Variants in MTMR3 observed in about 807,000 individuals in gnomAD.
The protein encoded by MTMR3 is phosphatidylinositol-3,5-bisphosphate 3-phosphatase MTMR3.
Under a neutral mutation model 132.4 loss-of-function variants are expected in MTMR3, and 32 were observed. That is an observed-to-expected ratio of 0.24 (90% CI 0.18 to 0.32). The LOEUF (loss-of-function observed/expected upper bound fraction) is 0.32. Among genes scored for constraint, MTMR3 ranks in the 10% least tolerant of loss-of-function variants. The probability of loss-of-function intolerance (pLI) is 1.00; values close to 1 mark genes in which losing one functional copy is unlikely to be tolerated. For synonymous variants in MTMR3, 556 were observed against 550.3 expected (o/e 1.01, Z -0.14); for missense variants, 1,216 against 1,489.6 (o/e 0.82, Z 3.02).
chr22:29,898,313 A>G (rs914295593), intron 1 of MTMR3, among the ~76,000 whole-genome samples: 1 of 152,154 alleles, frequency 6.6e-6, no homozygotes, highest in Non-Finnish European at 1.5e-5. Flanking sequence ...CCCAATAATA[A>G]TAGTGTGCAG....
Position 30,022,711 on chromosome 22 carries a change from G to A in MTMR3, c.3425+14G>A, listed in dbSNP as rs758198426. 2.5e-6 allele frequency: 4 copies of A among 1,600,698 alleles called. No individual in the cohort carries two copies. Among genetic ancestry groups the A allele is most frequent in the Non-Finnish European group, 3.4e-6 (4 of 1,176,916 alleles). On this transcript the variant is annotated intron_variant, in intron 19 of 19. Transcript: ENST00000401950. ...GCACCACTGCAGGTACCATTGAGGG[G>A]CTGTGGTAGGGTGGGCTGTGTGTGG...
Position 29,930,207 on chromosome 22 carries a change from C to T in MTMR3, c.-137-26829C>T, listed in dbSNP as rs575387701. On this transcript the variant is annotated intron_variant, in intron 1 of 19. Coordinates refer to ENST00000401950, the MANE Select transcript of MTMR3 (RefSeq NM_021090.4). ...GAAAATATATACAGTTATAAAATCACCACCTGATTAATATGTAGAATATTT... is the reference window on the plus strand; with the variant it reads ...GAAAATATATACAGTTATAAAATCATCACCTGATTAATATGTAGAATATTT... Among the ~76,000 whole-genome samples, 16 of 152,232 alleles carry T rather than the reference C, an allele frequency of 1.1e-4. 1 individual carries two copies. In the South Asian group the frequency reaches 3.1e-3, roughly 30 times the overall value.
intron 1 of MTMR3, among the ~76,000 whole-genome samples, chr22:29,943,354 G>A (rs112322524): frequency 4.0e-5 from 6 of 151,708 alleles, no homozygotes; most frequent in Admixed American, 6.6e-5. Context: ...CACCACGCCC[G>A]GCTAATTTTT....
At chr22:30,014,928 A>T (rs2067539098) in intron 14 of MTMR3, 1 of 152,260 alleles carries the variant, frequency 6.6e-6, no homozygotes, top group African/African-American at 2.4e-5. Flanking sequence ...TATGCTGATG[A>T]GTCCCACATT....
intron 1 of MTMR3, among the ~76,000 whole-genome samples, chr22:29,891,313 G>A (rs1005696302): frequency 6.0e-5 from 9 of 150,336 alleles, no homozygotes; most frequent in Non-Finnish European, 1.3e-4. Flanking sequence ...GTGTGCGTGT[G>A]TGTATGTATG....
chr22:29,971,899 A>G (rs375955036), intron 3 of MTMR3, among the ~76,000 whole-genome samples: 7 of 152,320 alleles, frequency 4.6e-5, no homozygotes, highest in Middle Eastern at 3.4e-3. Flanking sequence ...CTAGATCCAA[A>G]CTGTTTTATG....
At chr22:29,896,822 A>ATT (rs140357883) in intron 1 of MTMR3, among the ~76,000 whole-genome samples, 9 of 148,374 alleles carry the variant, frequency 6.1e-5, no homozygotes, top group South Asian at 2.2e-4. Flanking sequence ...TAATAATATA[A>ATT]TTTTTTTTTA....
intron 1 of MTMR3, among the ~76,000 whole-genome samples, chr22:29,949,415 GAACCC>G (rs1384843487): frequency 6.7e-6 from 1 of 149,652 alleles, no homozygotes; most frequent in Non-Finnish European, 1.5e-5. Context: ...AGAATCGCTG[GAACCC>G]AGGAGGCAGA....
At chr22:29,998,293 T>G (rs2067102083) in intron 7 of MTMR3, 1 of 152,398 alleles carries the variant, frequency 6.6e-6, no homozygotes, top group Non-Finnish European at 1.5e-5. Flanking sequence ...CAGGGATCTT[T>G]CTAAACTAAA....
chr22:29,976,507 T>A (rs192995285), intron 3 of MTMR3, among the ~76,000 whole-genome samples: 1 of 152,328 alleles, frequency 6.6e-6, no homozygotes, highest in African/African-American at 2.4e-5. Context: ...TACTTGTATT[T>A]CCTCTGTAAA....
chr22:29,971,265 C>T (rs1177442714), intron 3 of MTMR3, among the ~76,000 whole-genome samples: 2 of 151,942 alleles, frequency 1.3e-5, no homozygotes, highest in African/African-American at 4.8e-5. Flanking sequence ...AGTTTCATTT[C>T]TGTTAACTTT....
intron 19 of MTMR3, chr22:30,023,713 C>T (rs1168942544): frequency 3.4e-5 from 19 of 551,082 alleles, no homozygotes; most frequent in Non-Finnish European, 5.5e-5. Context: ...GTCAGCCAGG[C>T]CGTCTTGCTT....
chr22:29,967,915 T>TAC (rs1445374499), intron 2 of MTMR3, among the ~76,000 whole-genome samples: 4 of 106,604 alleles, frequency 3.8e-5, no homozygotes, highest in African/African-American at 1.8e-4. Context: ...CCATTATATA[T>TAC]ACTGTGTGTG....
chr22:29,963,290 C>T (rs2066349895), intron 2 of MTMR3, among the ~76,000 whole-genome samples: 1 of 151,814 alleles, frequency 6.6e-6, no homozygotes, highest in South Asian at 2.1e-4. Context: ...ACCATATTGC[C>T]CAGGCTGGTC....
chr22:30,030,812 C>T lies in MTMR3; in HGVS notation c.*5011C>T, dbSNP rs919166216. ...GCTTTATTAGATTTAAAAGTAAGAT[C>T]TGGTATGAAGAAAGGTTTTGTTTGT... is the stretch of plus-strand genomic sequence containing the variant. On this transcript the variant is annotated 3_prime_UTR_variant, in exon 20 of 20. Coordinates refer to ENST00000401950, the MANE Select transcript of MTMR3 (RefSeq NM_021090.4). 3.3e-5 allele frequency: 5 copies of T among 152,258 alleles called. No homozygotes were observed. The highest frequency in any genetic ancestry group is 1.2e-4 in the African/African-American group (5 of 41,394). The allele number at this position is 152,258 out of a possible 1,614,324, so 9.4% of individuals were successfully genotyped here.
At chr22:29,919,370 A>G (rs1045151794) in intron 1 of MTMR3, among the ~76,000 whole-genome samples, 8 of 152,176 alleles carry the variant, frequency 5.3e-5, no homozygotes, top group African/African-American at 1.7e-4. Context: ...AAACTGTCCA[A>G]TTTTATGTGC....
intron 1 of MTMR3, among the ~76,000 whole-genome samples, chr22:29,903,901 A>G (rs1372254329): frequency 6.6e-6 from 1 of 152,140 alleles, no homozygotes; most frequent in African/African-American, 2.4e-5. Context: ...GTGAACAGGT[A>G]TCTCATTTGT....
In MTMR3 at chr22:30,020,666, G is replaced by T; in HGVS notation, c.3007G>T (p.Ala1003Ser). 6.2e-7 allele frequency: 1 copy of T among 1,614,194 alleles called. No individual in the cohort carries two copies. The highest frequency in any genetic ancestry group is 8.5e-7 in the Non-Finnish European group (1 of 1,180,046). ...GCATAGCCACTCAGGAAGGCCATCT[G>T]CAACCAGCAGCCCCGACCAGCCTTC... is the stretch of plus-strand genomic sequence containing the variant. ...WLHSHSGRPS[A>S]TSSPDQPSRS... Residue 1003 changes from alanine to serine, a missense_variant, in exon 17 of 20, where the codon GCA becomes TCA. Around this residue, in one of 7 missense-constraint regions of MTMR3, gnomAD observed 852 missense variants for 852.0 expected, o/e 1.00. Coordinates refer to ENST00000401950, the MANE Select transcript of MTMR3 (RefSeq NM_021090.4).
At chr22:30,023,172 T>G in intron 19 of MTMR3, 1 of 484,320 alleles carries the variant, frequency 2.1e-6, no homozygotes. Flanking sequence ...TTCCAATCAT[T>G]AAGGTTCCTG....
Sources: gnomAD v4.1 joint callset for allele counts (sites outside exome capture counted in the v4.1 genomes callset) on GRCh38, gnomAD v4.1.1 for gene constraint, gnomAD v4.1.1 regional missense constraint, MANE v1.5 for transcripts, NCBI Gene and HGNC (gene_info 2026-07-23, HGNC 2026-07-21) for gene names.